The following NFX1 variants were observed in gnomAD, a reference collection of about 807,000 sequenced individuals.
NFX1 encodes the protein nuclear transcription factor, X-box binding 1, also known as transcriptional repressor NF-X1.
In NFX1, 69 loss-of-function variants were observed where a neutral mutation model predicts 137.2. The ratio of observed to expected loss-of-function variants is 0.50; its 90% confidence interval spans 0.41 to 0.61. The LOEUF (loss-of-function observed/expected upper bound fraction) is 0.61, where lower values mean the gene tolerates loss of function less well. NFX1 is among the 20% of genes least tolerant of loss of function. The pLI is 0.00. For synonymous variants in NFX1, 495 were observed against 474.1 expected (o/e 1.04, Z -0.57); for missense variants, 1,167 against 1,391.0 (o/e 0.84, Z 2.56).
chr9:33,316,316 T>C (rs1822161683), intron 7 of NFX1, among the ~76,000 whole-genome samples: 1 of 152,138 alleles, frequency 6.6e-6, no homozygotes, highest in Non-Finnish European at 1.5e-5. Flanking sequence ...CAAGCCTTTT[T>C]TTTTTTTTTG....
chr9:33,334,512 C>T (rs1218623058), intron 11 of NFX1, among the ~76,000 whole-genome samples: 1 of 151,960 alleles, frequency 6.6e-6, no homozygotes, highest in Non-Finnish European at 1.5e-5. Context: ...AATTAATACA[C>T]TTATGAAGTT....
chr9:33,324,965 C>T lies in NFX1; in HGVS notation c.1907-3616C>T, dbSNP rs145283370. 6.5e-3 allele frequency among the ~76,000 whole-genome samples: 973 copies of T among 150,336 alleles called. 7 individuals are homozygous for T. The highest frequency in any genetic ancestry group is 0.01 in the Non-Finnish European group (689 of 67,700). On this transcript the variant is annotated intron_variant, in intron 9 of 23. Transcript: ENST00000379540. The stretch of plus-strand genomic sequence containing the variant: ...AAAAGAAAGAGATTATATAACCCAA[C>T]GGACAGAGAGAAAATATAATGAAGA...
chr9:33,361,427 T>C (rs192882524), intron 19 of NFX1, among the ~76,000 whole-genome samples: 2 of 152,268 alleles, frequency 1.3e-5, no homozygotes, highest in East Asian at 3.9e-4. Flanking sequence ...CCTCACATTC[T>C]TATTTTTGGG....
chr9:33,304,951 G>A (rs918966277), intron 4 of NFX1, among the ~76,000 whole-genome samples: 49 of 152,278 alleles, frequency 3.2e-4, no homozygotes, highest in Admixed American at 1.7e-3. Flanking sequence ...AGACTCTAAG[G>A]CAGTATAAGA....
intron 1 of NFX1, 150 bp from the exon 2 acceptor site, chr9:33,294,270 C>A: frequency 1.4e-6 from 1 of 712,866 alleles, no homozygotes; most frequent in Non-Finnish European, 2.3e-6. Context: ...ACCTTGAACC[C>A]ATCACCTTCA....
chr9:33,361,722 G>A (rs750424673), intron 19 of NFX1, among the ~76,000 whole-genome samples: 23 of 152,094 alleles, frequency 1.5e-4, no homozygotes, highest in Admixed American at 1.3e-4. Context: ...GCAGTGAACC[G>A]AGATCATGCT....
At chr9:33,352,591 T>A in intron 16 of NFX1, 55 bp from the exon 17 acceptor site, 1 of 1,456,464 alleles carries the variant, frequency 6.9e-7, no homozygotes, top group Non-Finnish European at 9.7e-7. Context: ...TGAAAAGTGC[T>A]TTATTCACAT....
intron 9 of NFX1, among the ~76,000 whole-genome samples, chr9:33,321,591 C>G (rs994971354): frequency 6.6e-6 from 1 of 152,162 alleles, no homozygotes; most frequent in Non-Finnish European, 1.5e-5. Context: ...AAGCAACCAT[C>G]AAGGCTGGGC....
chr9:33,326,611 T>A (rs1822599791), intron 9 of NFX1, among the ~76,000 whole-genome samples: 1 of 151,888 alleles, frequency 6.6e-6, no homozygotes, highest in African/African-American at 2.4e-5. Flanking sequence ...TCCCACCTAC[T>A]CAAGAGGCTA....
At chr9:33,319,698 C>T (rs576488271) in intron 9 of NFX1, among the ~76,000 whole-genome samples, 8 of 152,218 alleles carry the variant, frequency 5.3e-5, no homozygotes, top group Admixed American at 1.3e-4. Flanking sequence ...TTAATAGAGA[C>T]GGGGTTTCAC....
In NFX1 at chr9:33,336,396, A is replaced by G. The variant is rs950738546; in HGVS notation, c.2036-2114A>G. On this transcript the variant is annotated intron_variant, in intron 11 of 23. Coordinates refer to ENST00000379540, the MANE Select transcript of NFX1 (RefSeq NM_002504.6). ...GCGCCCGGCTAATTTTTGTATTTTT[A>G]GTAGAGATGGGGTTTTACCATGTTG... Among the ~76,000 whole-genome samples the G allele has an allele frequency of 3.3e-5, 5 of 152,046 alleles. No individual in the cohort carries two copies. The East Asian group carries it at 5.8e-4, about 18-fold the overall frequency.
In NFX1 at chr9:33,357,705, CTTTTTTT is replaced by C. The variant is rs78778092; in HGVS notation, c.2873+2823_2873+2829del. On this transcript the variant is annotated intron_variant, in intron 19 of 23. Coordinates refer to ENST00000379540, the MANE Select transcript of NFX1 (RefSeq NM_002504.6). Reference sequence around the variant, plus strand: ...CACCACTACGCCTGGCTAAGATTTTCTTTTTTTTTTTTTTTTCTTTTGTAAAGACAGG... The same window carrying C: ...CACCACTACGCCTGGCTAAGATTTTCTTTTTTTTTCTTTTGTAAAGACAGG... 2.4e-3 allele frequency among the ~76,000 whole-genome samples: 314 copies of C among 132,088 alleles called. 8 individuals carry two copies. The East Asian group carries it at 0.064, about 27-fold the overall frequency. The allele number at this position is 132,088 out of a possible 152,430, so 86.7% of individuals were successfully genotyped here.
chr9:33,297,863 T>G (rs1182448716), intron 2 of NFX1, among the ~76,000 whole-genome samples: 1 of 152,186 alleles, frequency 6.6e-6, no homozygotes, highest in Non-Finnish European at 1.5e-5. Flanking sequence ...CTTGATTAAG[T>G]CAGGCCCACC....
At chr9:33,358,647 ATTTTTTTTTTT>A (rs61589629) in intron 19 of NFX1, among the ~76,000 whole-genome samples, 25 of 48,470 alleles carry the variant, frequency 5.2e-4, no homozygotes, top group Middle Eastern at 0.029. Context: ...GAATGGCTTG[ATTTTTTTTTTT>A]TTTTTTTTTT....
intron 5 of NFX1, among the ~76,000 whole-genome samples, chr9:33,308,884 T>C (rs1039775739): frequency 2.0e-5 from 3 of 152,074 alleles, no homozygotes; most frequent in Non-Finnish European, 4.4e-5. Flanking sequence ...GGCATGGTGG[T>C]GGCGCTGGGG....
At chr9:33,361,703 G>A (rs1823995992) in intron 19 of NFX1, among the ~76,000 whole-genome samples, 2 of 152,180 alleles carry the variant, frequency 1.3e-5, no homozygotes, top group South Asian at 4.1e-4. Flanking sequence ...AATCCAGGAG[G>A]TGGAGGTTGC....
At chr9:33,357,669 C>T (rs955256753) in intron 19 of NFX1, among the ~76,000 whole-genome samples, 1 of 151,490 alleles carries the variant, frequency 6.6e-6, no homozygotes, top group African/African-American at 2.4e-5. Context: ...ATAGATAGGA[C>T]TACAGGCACA....
At chr9:33,326,238 C>T (rs1158653644) in intron 9 of NFX1, among the ~76,000 whole-genome samples, 2 of 151,928 alleles carry the variant, frequency 1.3e-5, no homozygotes, top group African/African-American at 2.4e-5. Context: ...CATGGTGAAA[C>T]TCCGTTTCTA....
chr9:33,353,321 C>T (rs970778570), intron 17 of NFX1, among the ~76,000 whole-genome samples: 2 of 152,150 alleles, frequency 1.3e-5, no homozygotes, highest in Non-Finnish European at 2.9e-5. Flanking sequence ...GTGAGGGTTT[C>T]TAATTGTTCT....
Sources: gnomAD v4.1 joint callset for allele counts (sites outside exome capture counted in the v4.1 genomes callset) on GRCh38, gnomAD v4.1.1 for gene constraint, MANE v1.5 for transcripts, NCBI Gene and HGNC (gene_info 2026-07-23, HGNC 2026-07-21) for gene names.